Variants in NFIB observed in about 807,000 individuals in gnomAD.
NFIB encodes nuclear factor 1 B-type.
Under a neutral mutation model 61.5 loss-of-function variants are expected in NFIB, and 11 were observed. That is an observed-to-expected ratio of 0.18 (90% CI 0.11 to 0.30). The LOEUF is 0.30. Among genes scored for constraint, NFIB ranks in the 10% least tolerant of loss-of-function variants. The pLI is 1.00. For missense variants in NFIB, 471 were observed against 608.9 expected (o/e 0.77, Z 2.38); for synonymous variants, 260 against 216.5 (o/e 1.20, Z -1.76).
chr9:14,140,648 G>A (rs1015529796), intron 6 of NFIB, among the ~76,000 whole-genome samples: 22 of 152,266 alleles, frequency 1.4e-4, no homozygotes, highest in African/African-American at 5.1e-4. Flanking sequence ...AGGAAATGCT[G>A]GGGAGCCTGG....
intron 3 of NFIB, among the ~76,000 whole-genome samples, chr9:14,157,221 T>C (rs2043533733): frequency 2.0e-5 from 3 of 152,160 alleles, no homozygotes; most frequent in Non-Finnish European, 4.4e-5. Flanking sequence ...TATACCGAAT[T>C]ACGCACACTG....
At chr9:14,406,951 A>T in the NFIB span, among the ~76,000 whole-genome samples, 10 of 152,180 alleles carry the variant, frequency 6.6e-5, no homozygotes, top group South Asian at 1.2e-3. Context: ...AGCCATTGAG[A>T]TATCATGGTT....
In NFIB at chr9:14,120,675, G is replaced by C. The variant is rs1277275054; in HGVS notation, c.1061-51C>G. On this transcript the variant is annotated intron_variant, in intron 7 of 10. Transcript: ENST00000380953. This position sits in a 1 kb window ranked among gnomAD's most constrained non-coding sequence, Gnocchi z 4.4. ...TGACTCATCAGCTGGTTACCTTATT[G>C]CTCCATTCTGATCCTGAAGAATGCT... is the stretch of plus-strand genomic sequence containing the variant. The C allele has an allele frequency of 6.6e-7, 1 of 1,506,306 alleles. No homozygotes were observed. The highest frequency in any genetic ancestry group is 8.9e-7 in the Non-Finnish European group (1 of 1,122,524). 93.3% of individuals were successfully genotyped at this position (1,506,306 alleles called of 1,614,324 possible).
the NFIB span, among the ~76,000 whole-genome samples, chr9:14,509,889 T>G: frequency 6.6e-6 from 1 of 152,192 alleles, no homozygotes; most frequent in African/African-American, 2.4e-5. Context: ...ATTTTATTTT[T>G]TACATTTTAG....
At chr9:14,505,057 T>C in the NFIB span, among the ~76,000 whole-genome samples, 2 of 152,218 alleles carry the variant, frequency 1.3e-5, no homozygotes, top group South Asian at 2.1e-4. Context: ...CTGGATTATC[T>C]CAAATACTTT....
the NFIB span, among the ~76,000 whole-genome samples, chr9:14,490,722 G>A: frequency 5.3e-5 from 8 of 152,256 alleles, no homozygotes; most frequent in African/African-American, 1.4e-4. Context: ...AGCATTTAAA[G>A]AAATGCACAT....
At chr9:14,454,766 G>A in the NFIB span, among the ~76,000 whole-genome samples, 1 of 152,152 alleles carries the variant, frequency 6.6e-6, no homozygotes, top group East Asian at 1.9e-4. Flanking sequence ...TATAGTACCA[G>A]TCCCAAAGCT....
chr9:14,426,821 C>G, the NFIB span, among the ~76,000 whole-genome samples: 82 of 152,296 alleles, frequency 5.4e-4, no homozygotes, highest in African/African-American at 1.9e-3. Context: ...GCCTGGGGAA[C>G]CTCTGACAGC....
At chr9:14,477,967 C>A in the NFIB span, among the ~76,000 whole-genome samples, 1 of 152,240 alleles carries the variant, frequency 6.6e-6, no homozygotes, top group African/African-American at 2.4e-5. Context: ...ACCCCACCCC[C>A]CATTCTATGC....
At chr9:14,272,763 TA>T (rs1216321212) in intron 2 of NFIB, among the ~76,000 whole-genome samples, 1 of 150,658 alleles carries the variant, frequency 6.6e-6, no homozygotes, top group African/African-American at 2.4e-5. Context: ...GAGTTAATTT[TA>T]AAACAGAACA....
At chr9:14,439,171 G>C in the NFIB span, among the ~76,000 whole-genome samples, 1 of 152,118 alleles carries the variant, frequency 6.6e-6, no homozygotes, top group African/African-American at 2.4e-5. Flanking sequence ...AGGAGTTTGA[G>C]AACAGCTTGG....
chr9:14,439,883 G>A, the NFIB span, among the ~76,000 whole-genome samples: 1 of 152,200 alleles, frequency 6.6e-6, no homozygotes, highest in Non-Finnish European at 1.5e-5. Flanking sequence ...TTGGCACATT[G>A]CCTTTTCTGC....
chr9:14,466,359 A>G, the NFIB span, among the ~76,000 whole-genome samples: 1 of 152,180 alleles, frequency 6.6e-6, no homozygotes, highest in Non-Finnish European at 1.5e-5. Context: ...TGAGGCATGG[A>G]AAGACTGGGC....
chr9:14,116,426 G>T (rs1385323264), intron 8 of NFIB, 80 bp from the exon 9 acceptor site: 12 of 1,343,496 alleles, frequency 8.9e-6, no homozygotes, highest in Non-Finnish European at 8.8e-6. Flanking sequence ...CAGCACACAC[G>T]ACTGTGTGGA....
intron 1 of NFIB, among the ~76,000 whole-genome samples, chr9:14,392,350 A>AT (rs1165316352): frequency 1.3e-5 from 2 of 152,240 alleles, no homozygotes; most frequent in Non-Finnish European, 2.9e-5. Flanking sequence ...GATGTTAATA[A>AT]TCAGGACAAC....
the NFIB span, among the ~76,000 whole-genome samples, chr9:14,451,711 A>T: frequency 6.6e-6 from 1 of 152,198 alleles, no homozygotes; most frequent in Non-Finnish European, 1.5e-5. Context: ...AGAGGGCTTT[A>T]GTCTCCCATT....
At chr9:14,132,536 T>C (rs1025578983) in intron 6 of NFIB, among the ~76,000 whole-genome samples, 19 of 152,034 alleles carry the variant, frequency 1.2e-4, no homozygotes, top group African/African-American at 4.3e-4. Context: ...TTCCTTTCTA[T>C]CTTTTATTAT....
At chr9:14,324,537 G>C (rs2060729888) in intron 1 of NFIB, among the ~76,000 whole-genome samples, 1 of 152,062 alleles carries the variant, frequency 6.6e-6, no homozygotes, top group Admixed American at 6.5e-5. Context: ...AAGGAGAAAG[G>C]ACATTATAGA....
the NFIB span, among the ~76,000 whole-genome samples, chr9:14,425,769 G>T: frequency 6.6e-6 from 1 of 151,988 alleles, no homozygotes; most frequent in Non-Finnish European, 1.5e-5. Context: ...CTTCACTACA[G>T]AGACCTAGTT....
Sources: allele counts gnomAD v4.1 joint callset (sites outside exome capture counted in the v4.1 genomes callset), GRCh38; gene constraint gnomAD v4.1.1; non-coding constraint Gnocchi (gnomAD v3.1); transcripts MANE v1.5; gene names NCBI Gene and HGNC (gene_info 2026-07-23, HGNC 2026-07-21).